The following ALOXE3 variants were observed in gnomAD, a reference collection of about 807,000 sequenced individuals.
ALOXE3 encodes the protein hydroperoxide isomerase ALOXE3.
Under a neutral mutation model 87.5 loss-of-function variants are expected in ALOXE3, and 78 were observed. The observed-to-expected ratio is 0.89, with a 90% CI of 0.74 to 1.08. The LOEUF is 1.08. ALOXE3 is among the 50% of genes least tolerant of loss of function. The pLI is 0.00. For synonymous variants in ALOXE3, 363 were observed against 370.8 expected (o/e 0.98, Z 0.24); for missense variants, 946 against 912.4 (o/e 1.04, Z -0.47).
intron 11 of ALOXE3, among the ~76,000 whole-genome samples, chr17:8,109,661 C>G (rs1400574195): frequency 3.0e-5 from 1 of 33,522 alleles, no homozygotes; most frequent in African/African-American, 1.3e-4. Flanking sequence ...ACCCGTGGCC[C>G]GGCGGGGCTG....
At chr17:8,112,057 G>A in intron 7 of ALOXE3, 36 bp downstream of exon 7, 6 of 1,559,360 alleles carry the variant, frequency 3.8e-6, no homozygotes, top group Admixed American at 1.7e-5. Context: ...ATGAGATAAG[G>A]TGAGGGGTAG....
intron 13 of ALOXE3, among the ~76,000 whole-genome samples, chr17:8,106,985 T>C (rs1005237767): frequency 9.9e-5 from 15 of 152,224 alleles, no homozygotes; most frequent in Non-Finnish European, 1.9e-4. Context: ...AATAGGTTTA[T>C]ACTTGTTGGA....
In ALOXE3 at chr17:8,118,135, G is replaced by A. The variant is rs767199357; in HGVS notation, c.-145C>T. 12 of 1,551,354 alleles carry A rather than the reference G, an allele frequency of 7.7e-6. No individual in the cohort carries two copies. In the African/African-American group the frequency reaches 1.6e-4, roughly 21 times the overall value. On this transcript the variant is annotated 5_prime_UTR_variant, in exon 2 of 16. Coordinates refer to ENST00000448843, the MANE Select transcript of ALOXE3 (RefSeq NM_021628.3). ...CTGGGTAGGGCTGAGGATGGGCCCA[G>A]CTCTCTCTGGGATGTTCCTGGGCTT...
At position 8,118,232 on chromosome 17, in the gene ALOXE3, G is replaced by T; in HGVS notation, c.-242C>A. 1 of 1,551,654 alleles carries T rather than the reference G, an allele frequency of 6.4e-7. No individual in the cohort carries two copies. Among genetic ancestry groups the T allele is most frequent in the Non-Finnish European group, 8.7e-7 (1 of 1,147,002 alleles). On this transcript the variant is annotated 5_prime_UTR_variant, in exon 2 of 16. Transcript: ENST00000448843. ...CCCACAGTCTTGCACTCTAATACTT[G>T]TTTGCTTGCCTCTGACACAGCCGGT...
At chr17:8,102,627 G>A (rs928478692) in intron 15 of ALOXE3, among the ~76,000 whole-genome samples, 50 of 152,092 alleles carry the variant, frequency 3.3e-4, no homozygotes, top group African/African-American at 1.1e-3. Context: ...TCTCGCCTTC[G>A]CTCCTTGGTC....
At chr17:8,102,438 A>G (rs1392494521) in intron 15 of ALOXE3, among the ~76,000 whole-genome samples, 2 of 152,090 alleles carry the variant, frequency 1.3e-5, no homozygotes, top group African/African-American at 2.4e-5. Flanking sequence ...GGTTGCAGTG[A>G]GCTGATATCG....
chr17:8,115,207 T>G lies in ALOXE3; in HGVS notation c.435-150A>C, dbSNP rs972541758. On this transcript the variant is annotated intron_variant, in intron 4 of 15. Coordinates refer to ENST00000448843, the MANE Select transcript of ALOXE3 (RefSeq NM_021628.3). ...ATTGGACATTTCTCCATGAAAGCAC[T>G]GGCTTCACATAGGGTAGCATTTAAG... 5 of 1,123,358 alleles carry G rather than the reference T, an allele frequency of 4.5e-6. No homozygotes were observed. In the African/African-American group the frequency reaches 7.7e-5, roughly 17 times the overall value. The allele number at this position is 1,123,358 out of a possible 1,614,324, so 69.6% of individuals were successfully genotyped here. A position where few individuals can be genotyped will look rare whatever the true frequency, so the allele number is the denominator to read the frequency against.
At chr17:8,112,422 A>T (rs1980176632) in intron 6 of ALOXE3, among the ~76,000 whole-genome samples, 1 of 152,184 alleles carries the variant, frequency 6.6e-6, no homozygotes, top group Non-Finnish European at 1.5e-5. Context: ...ACTTGCACAT[A>T]AAGTTGGCAC....
intron 13 of ALOXE3, among the ~76,000 whole-genome samples, chr17:8,106,364 G>A (rs1397837804): frequency 6.6e-6 from 1 of 152,080 alleles, no homozygotes; most frequent in Non-Finnish European, 1.5e-5. Context: ...TTCTGTTCCT[G>A]GTTGAGTCTC....
At chr17:8,110,553 G>C in intron 8 of ALOXE3, 25 bp from the exon 9 acceptor site, 1 of 1,613,480 alleles carries the variant, frequency 6.2e-7, no homozygotes, top group South Asian at 1.1e-5. Flanking sequence ...CAGAGGCTGA[G>C]TGTCCCTCCC....
intron 6 of ALOXE3, among the ~76,000 whole-genome samples, 188 bp from the exon 7 acceptor site, chr17:8,112,384 T>A (rs1980174136): frequency 6.6e-6 from 1 of 152,196 alleles, no homozygotes; most frequent in Non-Finnish European, 1.5e-5. Context: ...CTGGTTCATA[T>A]GCAGCCATCC....
chr17:8,100,320 C>T (rs572841486), intron 15 of ALOXE3, among the ~76,000 whole-genome samples: 1 of 151,998 alleles, frequency 6.6e-6, no homozygotes, highest in African/African-American at 2.4e-5. Context: ...GGGGATAAGA[C>T]AGCATATGGA....
At chr17:8,112,860 T>A (rs915118927) in intron 6 of ALOXE3, among the ~76,000 whole-genome samples, 1 of 152,046 alleles carries the variant, frequency 6.6e-6, no homozygotes, top group East Asian at 1.9e-4. Context: ...AGAGACACAA[T>A]CATAGCTCAC....
chr17:8,118,588 A>C, upstream of ALOXE3: 1 of 1,529,304 alleles, frequency 6.5e-7, no homozygotes, highest in African/African-American at 1.4e-5. Context: ...GGTGAGTCGC[A>C]CACGCATTCC....
intron 13 of ALOXE3, among the ~76,000 whole-genome samples, chr17:8,107,965 G>GAAAGAAAGAAAGGAAGGA: frequency 1.6e-4 from 1 of 6,288 alleles, no homozygotes; most frequent in East Asian, 9.8e-4. Context: ...AAGAAAGGAA[G>GAAAGAAAGAAAGGAAGGA]GAGAGAGAGA....
rs1598190080 is a variant in ALOXE3, at chr17:8,096,335, G to A, written c.*292C>T. The A allele has an allele frequency of 5.3e-6, 2 of 380,706 alleles. No individual in the cohort carries two copies. The highest frequency in any genetic ancestry group is 5.2e-5 in the East Asian group (1 of 19,252). 23.6% of individuals were successfully genotyped at this position (380,706 alleles called of 1,614,324 possible). ...GGCATTCCAAGAGGCTGGAACAAGA[G>A]GCTGCCCCAAGTGGGGCAAGAAGTG... On this transcript the variant is annotated 3_prime_UTR_variant, in exon 16 of 16. Transcript: ENST00000448843.
chr17:8,115,937 G>A (rs944407850), intron 3 of ALOXE3, among the ~76,000 whole-genome samples: 7 of 152,332 alleles, frequency 4.6e-5, no homozygotes, highest in Middle Eastern at 3.4e-3. Context: ...AACTCCCTGA[G>A]GGCAGAAGTC....
At chr17:8,109,490 C>G in intron 11 of ALOXE3, 147 bp from the exon 12 acceptor site, 1 of 1,050,168 alleles carries the variant, frequency 9.5e-7, no homozygotes, top group Non-Finnish European at 1.4e-6. Context: ...GAGGGCCTGC[C>G]TGACGCAGGC....
chr17:8,105,849 A>G (rs113522761), intron 13 of ALOXE3, among the ~76,000 whole-genome samples: 30,342 of 147,032 alleles, frequency 0.21, 3,405 homozygotes, highest in East Asian at 0.5. Context: ...TGGGAGGTCA[A>G]GGCTGCAGTG....
Sources: allele counts gnomAD v4.1 joint callset (sites outside exome capture counted in the v4.1 genomes callset), GRCh38; gene constraint gnomAD v4.1.1; transcripts MANE v1.5; gene names NCBI Gene and HGNC (gene_info 2026-07-23, HGNC 2026-07-21).